ADAMTS14: variants seen among roughly 807,000 people sequenced by gnomAD.
ADAMTS14 encodes A disintegrin and metalloproteinase with thrombospondin motifs 14.
In ADAMTS14, 100 loss-of-function variants were observed where a neutral mutation model predicts 128.6. The observed-to-expected ratio is 0.78, with a 90% CI of 0.66 to 0.92. The LOEUF (loss-of-function observed/expected upper bound fraction) is 0.92. ADAMTS14 is among the 40% of genes least tolerant of loss of function. The pLI is 0.00. For synonymous variants in ADAMTS14, 665 were observed against 653.8 expected, an observed-to-expected ratio of 1.02 and a Z score of -0.26; for missense variants, 1,562 against 1,658.6, an observed-to-expected ratio of 0.94 and a Z score of 1.01.
At chr10:70,719,479 G>C (rs1375564189) in intron 4 of ADAMTS14, among the ~76,000 whole-genome samples, 1 of 151,660 alleles carries the variant, frequency 6.6e-6, no homozygotes, top group Non-Finnish European at 1.5e-5. Context: ...ATGGCTCACT[G>C]TAGCCTCGAC....
intron 4 of ADAMTS14, among the ~76,000 whole-genome samples, chr10:70,715,493 G>A (rs1176709271): frequency 1.3e-5 from 2 of 152,100 alleles, no homozygotes; most frequent in African/African-American, 4.8e-5. Context: ...CCTGATAAGG[G>A]CTCTAAGAGG....
At chr10:70,727,191 C>T (rs917248138) in intron 4 of ADAMTS14, among the ~76,000 whole-genome samples, 1 of 152,224 alleles carries the variant, frequency 6.6e-6, no homozygotes, top group Non-Finnish European at 1.5e-5. Flanking sequence ...CCCACAGTTT[C>T]GTGCTTACAG....
At chr10:70,725,895 C>T (rs1239153006) in intron 4 of ADAMTS14, among the ~76,000 whole-genome samples, 1 of 152,110 alleles carries the variant, frequency 6.6e-6, no homozygotes, top group African/African-American at 2.4e-5. Context: ...GGGATCGTTC[C>T]AGCTCCTCCA....
At chr10:70,744,700 A>G (rs991637950) in intron 14 of ADAMTS14, among the ~76,000 whole-genome samples, 1 of 152,164 alleles carries the variant, frequency 6.6e-6, no homozygotes, top group African/African-American at 2.4e-5. Context: ...ACACTTTAGT[A>G]TAAATGGGGC....
intron 4 of ADAMTS14, among the ~76,000 whole-genome samples, chr10:70,712,304 A>G (rs1319111394): frequency 3.3e-5 from 5 of 152,158 alleles, no homozygotes; most frequent in African/African-American, 1.2e-4. Flanking sequence ...AGTGGTAGGA[A>G]CCTGGGTCCC....
At chr10:70,686,243 A>G (rs1421326509) in intron 2 of ADAMTS14, among the ~76,000 whole-genome samples, 1 of 149,120 alleles carries the variant, frequency 6.7e-6, no homozygotes. Flanking sequence ...TCTGTTCCCA[A>G]CGGGTGGCTG....
intron 3 of ADAMTS14, among the ~76,000 whole-genome samples, chr10:70,704,183 G>A (rs1589279081): frequency 6.6e-6 from 1 of 152,292 alleles, no homozygotes; most frequent in South Asian, 2.1e-4. Context: ...CACATCTCCA[G>A]CTGTGGCTGA....
chr10:70,701,940 G>T (rs146940057), intron 2 of ADAMTS14, among the ~76,000 whole-genome samples: 111 of 152,342 alleles, frequency 7.3e-4, no homozygotes, highest in African/African-American at 2.4e-3. Context: ...GGGCTGGAGT[G>T]CAGTGCCTTG....
rs751476535 is a variant in ADAMTS14, at chr10:70,741,082, C to A, written c.1844C>A (p.Ala615Asp). The A allele has an allele frequency of 4.8e-5, 77 of 1,613,854 alleles. No individual in the cohort carries two copies. The highest frequency in any genetic ancestry group is 6.4e-5 in the Non-Finnish European group (75 of 1,179,974). ...CCTGGGACCTACGAGGACTTCCGGG[C>A]CCAGCAGTGTGCCAAGCGCAACTCC... ...ECPGTYEDFR[A>D]QQCAKRNSYY... The change falls in exon 12 of 22, where the codon GCC becomes GAC. Residue 615 changes from alanine (A) to aspartate (D), a missense_variant. Physicochemically the swap from Ala to Asp is moderately radical, Grantham distance 126. Transcript: ENST00000373207.
chr10:70,729,417 G>T, intron 5 of ADAMTS14, 40 bp downstream of exon 5: 1 of 1,535,330 alleles, frequency 6.5e-7, no homozygotes, highest in South Asian at 1.1e-5. Context: ...GCGGGGAGAA[G>T]GGTTGTGGGG....
At chr10:70,709,856 T>C (rs7898021) in intron 4 of ADAMTS14, among the ~76,000 whole-genome samples, 52,643 of 152,006 alleles carry the variant, frequency 0.35, 9,676 homozygotes, top group East Asian at 0.63. Context: ...CCAAACAAAA[T>C]ACACTATAGG....
At position 70,751,482 on chromosome 10, in the gene ADAMTS14, TC is replaced by T; in HGVS notation, c.2438del (p.Pro813GlnfsTer100). ...PLPEAIAILA[L>X]PPTEGGPRSS... Reference sequence around the variant, plus strand: ...CAGCTCCCCATCTCCCCTCAGGCTCTCCCCCCAACTGAGGGTGGCCCCCGCA... The same window carrying T: ...CAGCTCCCCATCTCCCCTCAGGCTCTCCCCCAACTGAGGGTGGCCCCCGCA... On this transcript the variant is annotated frameshift_variant, in exon 17 of 22. Coordinates refer to ENST00000373207, the MANE Select transcript of ADAMTS14 (RefSeq NM_080722.4). 1.3e-6 allele frequency: 2 copies of T among 1,599,660 alleles called. No homozygotes were observed. The highest frequency in any genetic ancestry group is 1.1e-5 in the South Asian group (1 of 90,630).
intron 4 of ADAMTS14, among the ~76,000 whole-genome samples, chr10:70,722,674 T>TG (rs1412634594): frequency 1.3e-5 from 2 of 152,038 alleles, no homozygotes; most frequent in Non-Finnish European, 2.9e-5. Flanking sequence ...CCCCAAACCA[T>TG]GGGGGTGTGT....
In ADAMTS14 at chr10:70,691,295, C is replaced by A. The variant is rs1445581519; in HGVS notation, c.523-11017C>A. On this transcript the variant is annotated intron_variant, in intron 2 of 21. Transcript: ENST00000373207. ...CTCCCTTGAGGTCAGGGGTTCAAGACCAGCCTGGCCAACATGGTGAATCCC... is the reference window on the plus strand; with the variant it reads ...CTCCCTTGAGGTCAGGGGTTCAAGAACAGCCTGGCCAACATGGTGAATCCC... Among the ~76,000 whole-genome samples the A allele has an allele frequency of 4.2e-5, 6 of 143,004 alleles. 1 individual carries two copies. The highest frequency in any genetic ancestry group is 1.5e-4 in the African/African-American group (6 of 40,502). The allele number at this position is 143,004 out of a possible 152,430, so 93.8% of individuals were successfully genotyped here.
chr10:70,719,179 C>A (rs1841165114), intron 4 of ADAMTS14, among the ~76,000 whole-genome samples: 1 of 152,076 alleles, frequency 6.6e-6, no homozygotes, highest in African/African-American at 2.4e-5. Context: ...TCCACTGAGA[C>A]CCCCTGACCT....
intron 4 of ADAMTS14, among the ~76,000 whole-genome samples, chr10:70,725,897 G>C (rs565201785): frequency 5.5e-4 from 84 of 152,104 alleles, no homozygotes; most frequent in Non-Finnish European, 9.3e-4. Flanking sequence ...GATCGTTCCA[G>C]CTCCTCCACT....
At chr10:70,691,487 T>TAAAAAAAAAAAAAAAAA (rs11373533) in intron 2 of ADAMTS14, among the ~76,000 whole-genome samples, 1 of 86,706 alleles carries the variant, frequency 1.2e-5, no homozygotes, top group Non-Finnish European at 2.5e-5. Flanking sequence ...GAGACCCTGT[T>TAAAAAAAAAAAAAAAAA]AAAAAAAAAA....
chr10:70,678,211 T>G (rs1839702076), intron 2 of ADAMTS14, among the ~76,000 whole-genome samples: 1 of 152,218 alleles, frequency 6.6e-6, no homozygotes, highest in Non-Finnish European at 1.5e-5. Context: ...ACTTTATAGT[T>G]TACAAAGCTC....
chr10:70,712,020 G>A (rs1840877688), intron 4 of ADAMTS14, among the ~76,000 whole-genome samples: 1 of 151,904 alleles, frequency 6.6e-6, no homozygotes, highest in South Asian at 2.1e-4. Context: ...GGACACAAAG[G>A]GCAAAGGCTA....
Sources: gnomAD v4.1 joint callset for allele counts (sites outside exome capture counted in the v4.1 genomes callset) on GRCh38, gnomAD v4.1.1 for gene constraint, MANE v1.5 for transcripts, NCBI Gene and HGNC (gene_info 2026-07-23, HGNC 2026-07-21) for gene names.